The following LRCH1 variants were observed in gnomAD, a reference collection of about 807,000 sequenced individuals.
The protein encoded by LRCH1 is leucine rich repeats and calponin homology domain containing 1, also known as leucine-rich repeat and calponin homology domain-containing protein 1.
Under a neutral mutation model 94.9 loss-of-function variants are expected in LRCH1, and 23 were observed. The ratio of observed to expected loss-of-function variants is 0.24; its 90% CI spans 0.17 to 0.34. The LOEUF is 0.34. Ranked by LOEUF, LRCH1 falls within the 10% of genes least tolerant of loss-of-function variation. LRCH1 has a pLI of 1.00. For missense variants in LRCH1, 790 were observed against 945.9 expected, an observed-to-expected ratio of 0.84 and a Z score of 2.16; for synonymous variants, 364 against 354.9, an observed-to-expected ratio of 1.03 and a Z score of -0.29.
In LRCH1 at chr13:46,744,523, C is replaced by T; in HGVS notation, c.*2675C>T. The T allele has an allele frequency of 1.0e-6, 1 of 985,242 alleles. No individual in the cohort carries two copies. Among genetic ancestry groups the T allele is most frequent in the Non-Finnish European group, 1.2e-6 (1 of 829,894 alleles). 61.0% of individuals were successfully genotyped at this position (985,242 alleles called of 1,614,324 possible). ...AGGGAGAGACACTTATGAAATGGGG[C>T]TGGTGGAAAGGGGCCCCGCAGAACT... On this transcript the variant is annotated 3_prime_UTR_variant, in exon 20 of 20. Transcript: ENST00000389797.
At chr13:46,721,377 T>A (rs2138215876) in intron 16 of LRCH1, among the ~76,000 whole-genome samples, 1 of 152,368 alleles carries the variant, frequency 6.6e-6, no homozygotes, top group South Asian at 2.1e-4. Context: ...TCTATCTGCA[T>A]TTCTTGACCT....
chr13:46,706,532 G>C (rs745321616), intron 13 of LRCH1, among the ~76,000 whole-genome samples: 101 of 152,116 alleles, frequency 6.6e-4, no homozygotes, highest in Non-Finnish European at 3.7e-4. Context: ...GATTGATTTT[G>C]GTTCTGTGCA....
intron 2 of LRCH1, among the ~76,000 whole-genome samples, chr13:46,656,146 A>G (rs544055918): frequency 6.6e-5 from 10 of 152,226 alleles, no homozygotes; most frequent in Non-Finnish European, 1.2e-4. Context: ...CACACTGAGA[A>G]GTCATCTTGG....
intron 1 of LRCH1, among the ~76,000 whole-genome samples, chr13:46,614,343 G>A (rs1045109661): frequency 6.6e-6 from 1 of 152,232 alleles, no homozygotes; most frequent in Non-Finnish European, 1.5e-5. Flanking sequence ...GGGGCCTTTT[G>A]TCTATTCCAG....
chr13:46,673,970 T>A (rs2051637978), intron 3 of LRCH1, among the ~76,000 whole-genome samples: 2 of 152,116 alleles, frequency 1.3e-5, no homozygotes, highest in African/African-American at 4.8e-5. Context: ...TTAGTAGAGA[T>A]GGGGTTTCAC....
Position 46,717,740 on chromosome 13 carries a change from G to T in LRCH1, c.1759+2076G>T, listed in dbSNP as rs531166645. On this transcript the variant is annotated intron_variant, in intron 16 of 19. Transcript: ENST00000389797. ...TTTATACATTTAGTTATTATTTTTGGTAAGGTTGTCCTTTTTTTACCTTGC... is the reference window on the plus strand; with the variant it reads ...TTTATACATTTAGTTATTATTTTTGTTAAGGTTGTCCTTTTTTTACCTTGC... 1.1e-4 allele frequency: 17 copies of T among 152,100 alleles called. No homozygotes were observed. In the East Asian group the frequency reaches 3.3e-3, roughly 29 times the overall value. The allele number at this position is 152,100 out of a possible 1,614,324, so 9.4% of individuals were successfully genotyped here. A position where few individuals can be genotyped will look rare whatever the true frequency, so the allele number is the denominator to read the frequency against.
At chr13:46,597,049 C>G (rs1000599390) in intron 1 of LRCH1, among the ~76,000 whole-genome samples, 2 of 152,196 alleles carry the variant, frequency 1.3e-5, no homozygotes, top group Non-Finnish European at 2.9e-5. Context: ...TTTGAGAATT[C>G]TGTATCTGTG....
intron 2 of LRCH1, among the ~76,000 whole-genome samples, chr13:46,659,910 C>T (rs2051423087): frequency 6.6e-6 from 1 of 152,032 alleles, no homozygotes; most frequent in African/African-American, 2.4e-5. Context: ...CATTTGACCA[C>T]GGTGCCAAAA....
At chr13:46,718,329 T>C (rs1872425863) in intron 16 of LRCH1, among the ~76,000 whole-genome samples, 1 of 152,228 alleles carries the variant, frequency 6.6e-6, no homozygotes, top group Non-Finnish European at 1.5e-5. Context: ...TTTACAGTAA[T>C]CTTGCACTAT....
intron 1 of LRCH1, among the ~76,000 whole-genome samples, chr13:46,632,447 T>C (rs4942558): frequency 0.84 from 127,404 of 152,180 alleles, 53,909 homozygotes; most frequent in African/African-American, 0.96. Context: ...TTGGTAACAC[T>C]GGATAATTTT....
chr13:46,699,282 C>T (rs1593361111), intron 9 of LRCH1, 54 bp from the exon 10 acceptor site: 2 of 1,437,030 alleles, frequency 1.4e-6, no homozygotes, highest in East Asian at 4.5e-5. Flanking sequence ...GGTTTTGGCT[C>T]CTGACTACTG....
chr13:46,663,762 G>T (rs1023781099), intron 2 of LRCH1, among the ~76,000 whole-genome samples: 1 of 152,202 alleles, frequency 6.6e-6, no homozygotes, highest in African/African-American at 2.4e-5. Flanking sequence ...ATCCTTGCTA[G>T]CTCCTTTCCC....
intron 1 of LRCH1, among the ~76,000 whole-genome samples, chr13:46,641,151 G>A (rs1485832333): frequency 2.0e-5 from 3 of 152,164 alleles, no homozygotes; most frequent in Admixed American, 2.0e-4. Context: ...AGAGGAGTGG[G>A]AAGTGAGGGT....
intron 6 of LRCH1, among the ~76,000 whole-genome samples, chr13:46,688,713 C>T (rs774301330): frequency 5.3e-5 from 8 of 151,996 alleles, no homozygotes; most frequent in Non-Finnish European, 1.0e-4. Context: ...GTACTTAATC[C>T]CTGGATAAAA....
At chr13:46,643,936 T>A (rs564074946) in intron 1 of LRCH1, among the ~76,000 whole-genome samples, 5 of 152,326 alleles carry the variant, frequency 3.3e-5, no homozygotes, top group South Asian at 2.1e-4. Context: ...CTTTCTTACC[T>A]TCTGGGCTTA....
rs756860814 is a variant in LRCH1 at position 46,637,251 on chromosome 13, A to C, written c.308-12950A>C. ...TCTTGTCACTTCCACTCTGCCACTC[A>C]GGTCTAACCACCATCTTACATTGCT... On this transcript the variant is annotated intron_variant, in intron 1 of 19. Transcript: ENST00000389797. Among the ~76,000 whole-genome samples the C allele has an allele frequency of 2.6e-5, 4 of 152,196 alleles. No homozygotes were observed. The East Asian group carries it at 7.7e-4, about 29-fold the overall frequency.
chr13:46,615,911 C>T (rs1005106029), intron 1 of LRCH1, among the ~76,000 whole-genome samples: 8 of 151,190 alleles, frequency 5.3e-5, no homozygotes, highest in Admixed American at 2.0e-4. Flanking sequence ...TCGTGTAGGC[C>T]CTTGTCCCTT....
At chr13:46,558,571 A>C (rs1430539661) in intron 1 of LRCH1, among the ~76,000 whole-genome samples, 5 of 108,676 alleles carry the variant, frequency 4.6e-5, no homozygotes, top group African/African-American at 1.2e-4. Context: ...CCCTGTGTCT[A>C]CAAAAAAAAA....
intron 2 of LRCH1, among the ~76,000 whole-genome samples, chr13:46,652,194 A>T (rs983404030): frequency 3.3e-5 from 5 of 151,810 alleles, no homozygotes; most frequent in African/African-American, 1.2e-4. Context: ...CTACTGCCTC[A>T]GCCTACTGAG....
Sources: allele counts gnomAD v4.1 joint callset (sites outside exome capture counted in the v4.1 genomes callset), GRCh38; gene constraint gnomAD v4.1.1; transcripts MANE v1.5; gene names NCBI Gene and HGNC (gene_info 2026-07-23, HGNC 2026-07-21).